Variants in ITPR1 observed in about 807,000 individuals in gnomAD.
The protein encoded by ITPR1 is inositol 1,4,5-trisphosphate-gated calcium channel ITPR1.
Under a neutral mutation model 318.4 loss-of-function variants are expected in ITPR1, and 96 were observed. The observed-to-expected ratio is 0.30, with a 90% CI of 0.26 to 0.36. The LOEUF (loss-of-function observed/expected upper bound fraction) is 0.36, where lower values mean the gene tolerates loss of function less well. ITPR1 is among the 10% of genes least tolerant of loss of function. The pLI, the probability that ITPR1 is intolerant of heterozygous loss-of-function variation, is 1.00. For missense variants in ITPR1, 2,440 were observed against 3,460.2 expected, an observed-to-expected ratio of 0.71 and a Z score of 7.40; for synonymous variants, 1,312 against 1,289.9, an observed-to-expected ratio of 1.02 and a Z score of -0.37.
chr3:4,610,922 TTCCCTTCCCTTCCCCTTCCTCTTCC>T (rs2092043509), intron 4 of ITPR1, among the ~76,000 whole-genome samples: 1 of 75,326 alleles, frequency 1.3e-5, no homozygotes, highest in Non-Finnish European at 2.4e-5. Flanking sequence ...TCTCCTTCCC[TTCCCTTCCCTTCCCCTTCCTCTTCC>T]CCTTCCCCTT....
At chr3:4,703,261 C>G (rs1293432563) in intron 36 of ITPR1, among the ~76,000 whole-genome samples, 1 of 152,180 alleles carries the variant, frequency 6.6e-6, no homozygotes, top group South Asian at 2.1e-4. Context: ...TGGGAAGTCC[C>G]TCATTCAAGA....
intron 6 of ITPR1, 34 bp from the exon 7 acceptor site, chr3:4,642,059 T>C (rs1357508364): frequency 4.6e-6 from 7 of 1,516,956 alleles, no homozygotes; most frequent in African/African-American, 1.4e-5. Flanking sequence ...TCAGATTTGC[T>C]GACACTCACT....
intron 52 of ITPR1, 96 bp downstream of exon 52, chr3:4,788,235 A>G: frequency 1.0e-6 from 1 of 964,284 alleles, no homozygotes; most frequent in Non-Finnish European, 1.6e-6. Context: ...AGCAGGAGCA[A>G]AGCTAGTATC....
At chr3:4,704,119 C>T (rs143522341) in intron 36 of ITPR1, among the ~76,000 whole-genome samples, 4 of 152,264 alleles carry the variant, frequency 2.6e-5, no homozygotes, top group African/African-American at 9.6e-5. Flanking sequence ...CGTTGAAAAA[C>T]TACCTGTTGG....
intron 34 of ITPR1, among the ~76,000 whole-genome samples, chr3:4,698,568 T>C (rs2094594935): frequency 6.6e-6 from 1 of 152,174 alleles, no homozygotes; most frequent in South Asian, 2.1e-4. Flanking sequence ...GTTCTGCCCT[T>C]CTAGCATGAA....
chr3:4,807,346 T>C (rs966549316), intron 55 of ITPR1, among the ~76,000 whole-genome samples: 1 of 152,226 alleles, frequency 6.6e-6, no homozygotes, highest in African/African-American at 2.4e-5. Context: ...GTTACTCTTA[T>C]CTTTCTGCAA....
intron 51 of ITPR1, among the ~76,000 whole-genome samples, chr3:4,784,379 C>A (rs964512879): frequency 2.0e-5 from 3 of 151,864 alleles, no homozygotes; most frequent in Non-Finnish European, 4.4e-5. Context: ...AGGGGCTAAG[C>A]AAGGCTTCAA....
chr3:4,665,054 C>G (rs1254566610), intron 16 of ITPR1, 84 bp from the exon 17 acceptor site: 2 of 1,442,520 alleles, frequency 1.4e-6, no homozygotes, highest in East Asian at 2.3e-5. Context: ...TCCAGCCACC[C>G]TTGAGCTTGC....
At chr3:4,700,003 G>A in intron 35 of ITPR1, 62 bp downstream of exon 35, 2 of 1,500,494 alleles carry the variant, frequency 1.3e-6, no homozygotes, top group South Asian at 2.4e-5. Context: ...TGGGCTTGAT[G>A]TGAATTTGGG....
At chr3:4,596,881 C>A (rs1269229705) in intron 4 of ITPR1, among the ~76,000 whole-genome samples, 1 of 152,184 alleles carries the variant, frequency 6.6e-6, no homozygotes, top group Non-Finnish European at 1.5e-5. Context: ...TATATTGTTT[C>A]TCTGGGTCAG....
At chr3:4,723,910 A>G (rs2042333252) in intron 40 of ITPR1, among the ~76,000 whole-genome samples, 1 of 152,106 alleles carries the variant, frequency 6.6e-6, no homozygotes, top group Non-Finnish European at 1.5e-5. Flanking sequence ...TTTTTCTCAT[A>G]TGTTCTTTTT....
intron 4 of ITPR1, among the ~76,000 whole-genome samples, chr3:4,613,841 C>T (rs757819208): frequency 3.3e-5 from 5 of 152,056 alleles, no homozygotes; most frequent in Admixed American, 2.6e-4. Context: ...TATATGCACA[C>T]GCCTTAAATG....
In ITPR1 at chr3:4,627,878, C is replaced by T. The variant is rs371299264; in HGVS notation, c.279C>T (p.His93=). The T allele has an allele frequency of 1.3e-5, 20 of 1,598,132 alleles. No homozygotes were observed. Among genetic ancestry groups the T allele is most frequent in the Middle Eastern group, 3.3e-4 (2 of 6,044 alleles). Residue 93 remains histidine, a splice_region_variant and synonymous_variant, in exon 5 of 62, where the codon CAC becomes CAT. Transcript: ENST00000649015. Reference sequence around the variant, plus strand: ...ACGCAGTGCTACTCAACAAACTGCACGTACGTATTGCCATGGGGCTGTCGA... The same window carrying T: ...ACGCAGTGCTACTCAACAAACTGCATGTACGTATTGCCATGGGGCTGTCGA... ...TTDAVLLNKL[H]HAADLEKKQN...
intron 53 of ITPR1, among the ~76,000 whole-genome samples, chr3:4,796,338 G>A (rs140167685): frequency 1.5e-3 from 229 of 151,752 alleles, no homozygotes; most frequent in African/African-American, 4.9e-3. Context: ...ATGAATGCCC[G>A]TGTCTATGTC....
Position 4,663,132 on chromosome 3 carries a change from G to A in ITPR1, c.1480G>A (p.Val494Ile), listed in dbSNP as rs41289628. The A allele has an allele frequency of 4.9e-3, 7,904 of 1,613,778 alleles. 33 individuals are homozygous for A. The highest frequency in any genetic ancestry group is 6.9e-3 in the Middle Eastern group (42 of 6,062). Residue 494 changes from valine to isoleucine, a missense_variant, in exon 16 of 62, where the codon GTT becomes ATT. Physicochemically the swap from Val to Ile is conservative, Grantham distance 29. Coordinates refer to ENST00000649015, the MANE Select transcript of ITPR1 (RefSeq NM_001378452.1). ...TGGTGGAACTAATTCTGGTCAAGAT[G>A]TTCTCGAAGTTGTCTTCTCCAAGCC... ...VTGGTNSGQD[V>I]LEVVFSKPNR...
At position 4,729,926 on chromosome 3, in the gene ITPR1, C is replaced by CT. The variant is rs35734322; in HGVS notation, c.5220+2768dup. On this transcript the variant is annotated intron_variant, in intron 42 of 61. Coordinates refer to ENST00000649015, the MANE Select transcript of ITPR1 (RefSeq NM_001378452.1). ...GAAGAAGTGACGTTATTTTAGAAGT[C>CT]TTTTTTTTTTTTTTTCCTTCTCTGC... is the stretch of plus-strand genomic sequence containing the variant. Among the ~76,000 whole-genome samples the CT allele has an allele frequency of 8.3e-3, 1,195 of 144,066 alleles. 12 individuals are homozygous for CT. Among genetic ancestry groups the CT allele is most frequent in the African/African-American group, 0.026 (1,008 of 39,150 alleles). 94.5% of individuals were successfully genotyped at this position (144,066 alleles called of 152,430 possible). A position where few individuals can be genotyped will look rare whatever the true frequency, so the allele number is the denominator to read the frequency against.
At chr3:4,541,004 T>C (rs2084390993) in intron 4 of ITPR1, among the ~76,000 whole-genome samples, 2 of 152,164 alleles carry the variant, frequency 1.3e-5, no homozygotes, top group Admixed American at 1.3e-4. Flanking sequence ...AACGTGCATA[T>C]TTAATTAACC....
chr3:4,707,444 T>G (rs928667643), intron 37 of ITPR1, among the ~76,000 whole-genome samples: 6 of 152,224 alleles, frequency 3.9e-5, no homozygotes, highest in African/African-American at 1.4e-4. Context: ...CTTCCTCACA[T>G]CATGGCGGCT....
chr3:4,665,022 A>T (rs1372405105), intron 16 of ITPR1, 116 bp from the exon 17 acceptor site: 1 of 1,048,616 alleles, frequency 9.5e-7, no homozygotes, highest in East Asian at 2.4e-5. Context: ...ATGTGTTGGG[A>T]TAGAGAAATT....
Sources: allele counts gnomAD v4.1 joint callset (sites outside exome capture counted in the v4.1 genomes callset), GRCh38; gene constraint gnomAD v4.1.1; transcripts MANE v1.5; gene names NCBI Gene and HGNC (gene_info 2026-07-23, HGNC 2026-07-21).